Variants in RAB17 observed in about 807,000 individuals in gnomAD.
The protein encoded by RAB17 is RAB17, member RAS oncogene family.
Under a neutral mutation model 19.3 loss-of-function variants are expected in RAB17, and 15 were observed. The ratio of observed to expected loss-of-function variants is 0.78; its 90% CI spans 0.52 to 1.20. The LOEUF (loss-of-function observed/expected upper bound fraction) is 1.20, where lower values mean the gene tolerates loss of function less well. RAB17 is among the 50% of genes most tolerant of loss of function. The pLI is 0.00. For synonymous variants in RAB17, 110 were observed against 112.8 expected (o/e 0.97, Z 0.16); for missense variants, 262 against 269.3 (o/e 0.97, Z 0.19).
intron 1 of RAB17, among the ~76,000 whole-genome samples, chr2:237,588,985 C>T (rs1405814229): frequency 3.9e-5 from 6 of 152,150 alleles, no homozygotes; most frequent in Admixed American, 2.6e-4. Flanking sequence ...TTTGAGAAGA[C>T]GAGGCAGGTG....
chr2:237,587,353 G>A (rs944323073), intron 1 of RAB17, among the ~76,000 whole-genome samples: 2 of 152,222 alleles, frequency 1.3e-5, no homozygotes, highest in Non-Finnish European at 2.9e-5. Flanking sequence ...CTGGTCCTGG[G>A]AACAGAGTCT....
At chr2:237,576,788 G>A (rs554330347) in intron 4 of RAB17, 4 of 464,732 alleles carry the variant, frequency 8.6e-6, no homozygotes, top group South Asian at 3.1e-5. Context: ...GACAAAACTC[G>A]AGTGAAGGAG....
chr2:237,574,350 G>A lies in RAB17; in HGVS notation c.*669C>T, dbSNP rs1157688506. The stretch of plus-strand genomic sequence containing the variant: ...ATTGTCAAAAGCAATTTAATTTTTG[G>A]AGGAAAAACTGCATACGCAGTACAA... On this transcript the variant is annotated 3_prime_UTR_variant, in exon 6 of 6. Transcript: ENST00000264601. The A allele has an allele frequency of 4.2e-6, 6 of 1,442,586 alleles. No homozygotes were observed. Among genetic ancestry groups the A allele is most frequent in the Non-Finnish European group, 5.5e-6 (6 of 1,098,176 alleles). The allele number at this position is 1,442,586 out of a possible 1,614,324, so 89.4% of individuals were successfully genotyped here. A position where few individuals can be genotyped will look rare whatever the true frequency, so the allele number is the denominator to read the frequency against.
Position 237,575,123 on chromosome 2 carries a change from C to T in RAB17, c.535G>A (p.Glu179Lys). ...TCCTCGTCGCTTCTCTGCAGTAGCTCTTGGGCTGTGAACAGCAAGAGGAGG... is the reference window on the plus strand; with the variant it reads ...TCCTCGTCGCTTCTCTGCAGTAGCTTTTGGGCTGTGAACAGCAAGAGGAGG... ...VSEVFNTVAQELLQRSDEEGQ... is the reference protein window; with the variant it reads ...VSEVFNTVAQKLLQRSDEEGQ... The change falls in exon 6 of 6, where the codon GAG becomes AAG. Residue 179 changes from glutamate to lysine, a missense_variant. Coordinates refer to ENST00000264601, the MANE Select transcript of RAB17 (RefSeq NM_022449.4). The T allele has an allele frequency of 6.2e-7, 1 of 1,612,906 alleles. No homozygotes were observed. The highest frequency in any genetic ancestry group is 8.5e-7 in the Non-Finnish European group (1 of 1,179,582).
At chr2:237,579,627 T>C (rs2081293162) in intron 2 of RAB17, 1 of 152,172 alleles carries the variant, frequency 6.6e-6, no homozygotes, top group African/African-American at 2.4e-5. Flanking sequence ...ATTAATTACA[T>C]CTGCAAAGAC....
chr2:237,577,713 T>G (rs1313135115), intron 3 of RAB17: 2 of 474,814 alleles, frequency 4.2e-6, no homozygotes. Context: ...GACCACTTTG[T>G]GCAAGAGAGT....
At position 237,590,447 on chromosome 2, in the gene RAB17, AG is replaced by A. The variant is rs2149192640; in HGVS notation, c.-4+19del. The A allele has an allele frequency of 6.6e-6, 1 of 152,490 alleles. No individual in the cohort carries two copies. Among genetic ancestry groups the A allele is most frequent in the South Asian group, 2.1e-4 (1 of 4,822 alleles). 9.4% of individuals were successfully genotyped at this position (152,490 alleles called of 1,614,324 possible). On this transcript the variant is annotated intron_variant, in intron 1 of 5. Transcript: ENST00000264601. ...GGCAGACACTCCACAAAGGGCACAG[AG>A]GTTTAAACAATGACTCACCTGTTCC...
At chr2:237,585,008 C>T (rs779481530) in intron 2 of RAB17, among the ~76,000 whole-genome samples, 1 of 152,246 alleles carries the variant, frequency 6.6e-6, no homozygotes, top group Non-Finnish European at 1.5e-5. Flanking sequence ...CCTGCCAATT[C>T]CCCTGTATCC....
chr2:237,578,135 C>G lies in RAB17; in HGVS notation c.178G>C (p.Val60Leu), dbSNP rs746688375. 1.9e-6 allele frequency: 3 copies of G among 1,612,848 alleles called. No individual in the cohort carries two copies. The highest frequency in any genetic ancestry group is 2.5e-6 in the Non-Finnish European group (3 of 1,178,972). The change falls in exon 3 of 6, where the codon GTG becomes CTG. Residue 60 changes from valine to leucine, a missense_variant. Physicochemically the swap from Val to Leu is conservative, Grantham distance 32. Transcript: ENST00000264601. ...TVGCAFFTKV[V>L]DVGATSLKLE... is the part of the protein sequence containing the mutation. ...TTCAGAGAGGTGGCACCCACATCCA[C>G]CACCTTTGTGAAGAACGCACCTGAA...
Position 237,588,231 on chromosome 2 carries a change from C to T in RAB17, c.-3-2074G>A, listed in dbSNP as rs181540205. On this transcript the variant is annotated intron_variant, in intron 1 of 5. Transcript: ENST00000264601. ...CGCCCAGCACAGATTAACACTGCTG[C>T]GTCTTGCACATCCACAAGCCTGCGT... Among the ~76,000 whole-genome samples the T allele has an allele frequency of 4.3e-3, 370 of 86,458 alleles. 1 individual carries two copies. The highest frequency in any genetic ancestry group is 0.032 in the African/African-American group (349 of 10,984). 56.7% of individuals were successfully genotyped at this position (86,458 alleles called of 152,430 possible). A position where few individuals can be genotyped will look rare whatever the true frequency, so the allele number is the denominator to read the frequency against.
At chr2:237,582,312 C>T (rs994778241) in intron 2 of RAB17, among the ~76,000 whole-genome samples, 11 of 152,236 alleles carry the variant, frequency 7.2e-5, no homozygotes, top group African/African-American at 2.2e-4. Flanking sequence ...ACCAGACCCT[C>T]GGGAGGGCCC....
intron 1 of RAB17, among the ~76,000 whole-genome samples, chr2:237,587,651 G>A (rs943258776): frequency 6.6e-6 from 1 of 152,116 alleles, no homozygotes; most frequent in Non-Finnish European, 1.5e-5. Context: ...TCCAGAACAG[G>A]AGGGTTTAGG....
At position 237,590,670 on chromosome 2, in the gene RAB17, G is replaced by A. The variant is rs374546202; in HGVS notation, c.-207C>T. 1 of 153,222 alleles carries A rather than the reference G, an allele frequency of 6.5e-6. No individual in the cohort carries two copies. Among genetic ancestry groups the A allele is most frequent in the South Asian group, 2.1e-4 (1 of 4,862 alleles). 9.5% of individuals were successfully genotyped at this position (153,222 alleles called of 1,614,324 possible). ...GGTCAAGAGCAGCAGCCTCGGACCA[G>A]AGCAATGCCCACTGGACCCCAGCGC... On this transcript the variant is annotated 5_prime_UTR_variant, in exon 1 of 6. Transcript: ENST00000264601.
chr2:237,577,848 T>G, intron 3 of RAB17, 156 bp downstream of exon 3: 2 of 781,840 alleles, frequency 2.6e-6, no homozygotes, highest in Non-Finnish European at 2.1e-6. Context: ...TGGAGGAGGA[T>G]GGGGGGTTGT....
intron 1 of RAB17, among the ~76,000 whole-genome samples, chr2:237,587,845 AAG>A (rs1374365303): frequency 8.4e-6 from 1 of 119,732 alleles, no homozygotes; most frequent in Non-Finnish European, 1.8e-5. Flanking sequence ...AAAAAAAAAA[AAG>A]AAAAGAAAAA....
At chr2:237,584,306 G>A (rs1045476030) in intron 2 of RAB17, among the ~76,000 whole-genome samples, 3 of 152,046 alleles carry the variant, frequency 2.0e-5, no homozygotes, top group East Asian at 1.9e-4. Flanking sequence ...CGGGCATCTC[G>A]GAATCTCTCA....
In RAB17 at chr2:237,575,400, C is replaced by G. The variant is rs756008721; in HGVS notation, c.516G>C (p.Val172=). 4.3e-6 allele frequency: 7 copies of G among 1,611,522 alleles called. No homozygotes were observed. In the South Asian group the frequency reaches 7.7e-5, roughly 18 times the overall value. Residue 172 remains valine (V), a synonymous_variant, in exon 5 of 6, where the codon GTG becomes GTC. Transcript: ENST00000264601. Reference sequence around the variant, plus strand: ...GACGTGACTCACCCACTGTATTGAACACCTCCGACACCTGGTGGTTCAGTT... The same window carrying G: ...GACGTGACTCACCCACTGTATTGAAGACCTCCGACACCTGGTGGTTCAGTT... ...SAKLNHQVSE[V]FNTVAQELLQ...
At chr2:237,583,208 C>T (rs1054809635) in intron 2 of RAB17, among the ~76,000 whole-genome samples, 12 of 151,974 alleles carry the variant, frequency 7.9e-5, no homozygotes, top group African/African-American at 1.5e-4. Context: ...TATGGTGGTG[C>T]GCACCTGTGA....
chr2:237,574,602 A>C lies in RAB17; in HGVS notation c.*417T>G, dbSNP rs966755395. On this transcript the variant is annotated 3_prime_UTR_variant, in exon 6 of 6. Coordinates refer to ENST00000264601, the MANE Select transcript of RAB17 (RefSeq NM_022449.4). ...CCACCTCCATCTGGCCTGCTCCCCA[A>C]CCCCCCAGAAGCAGGTGGGCCCAGG... 10 of 1,535,176 alleles carry C rather than the reference A, an allele frequency of 6.5e-6. No individual in the cohort carries two copies. Among genetic ancestry groups the C allele is most frequent in the Non-Finnish European group, 8.8e-6 (10 of 1,138,748 alleles).
Sources: allele counts gnomAD v4.1 joint callset (sites outside exome capture counted in the v4.1 genomes callset), GRCh38; gene constraint gnomAD v4.1.1; transcripts MANE v1.5; gene names NCBI Gene and HGNC (gene_info 2026-07-23, HGNC 2026-07-21).